LYST: variants seen among roughly 807,000 people sequenced by gnomAD.
LYST encodes lysosomal-trafficking regulator.
LYST carries 192 observed loss-of-function variants against 413.6 expected under a neutral mutation model. The observed-to-expected ratio is 0.46, with a 90% CI of 0.41 to 0.52. LYST has a LOEUF of 0.52. LYST is among the 20% of genes least tolerant of loss of function. LYST has a pLI of 0.00. For synonymous variants in LYST, 1,525 were observed against 1,567.3 expected, an observed-to-expected ratio of 0.97 and a Z score of 0.64; for missense variants, 3,815 against 4,499.9, an observed-to-expected ratio of 0.85 and a Z score of 4.35.
At chr1:235,695,996 G>A (rs947454206) in intron 46 of LYST, among the ~76,000 whole-genome samples, 2 of 152,068 alleles carry the variant, frequency 1.3e-5, no homozygotes, top group African/African-American at 4.8e-5. Flanking sequence ...GGTATTATTA[G>A]TAAATTACTT....
At chr1:235,824,429 C>A (rs1675103124) in intron 3 of LYST, among the ~76,000 whole-genome samples, 1 of 152,182 alleles carries the variant, frequency 6.6e-6, no homozygotes, top group African/African-American at 2.4e-5. Flanking sequence ...AATTTTTATA[C>A]TGGAAGGATC....
intron 3 of LYST, among the ~76,000 whole-genome samples, chr1:235,819,837 G>A (rs896292000): frequency 1.2e-4 from 18 of 152,066 alleles, no homozygotes; most frequent in Admixed American, 9.8e-4. Context: ...TAGTAGAGAT[G>A]GGGTATCACC....
chr1:235,850,040 G>A (rs959914329), intron 1 of LYST, among the ~76,000 whole-genome samples: 1 of 151,942 alleles, frequency 6.6e-6, no homozygotes, highest in Non-Finnish European at 1.5e-5. Flanking sequence ...AAATTCATAT[G>A]GAACCAAAAA....
intron 1 of LYST, chr1:235,853,083 C>T (rs573388118): frequency 7.0e-5 from 12 of 170,510 alleles, no homozygotes; most frequent in Middle Eastern, 5.2e-4. Flanking sequence ...CTCCCAGGCA[C>T]GCCTCCAAGC....
intron 39 of LYST, among the ~76,000 whole-genome samples, chr1:235,722,769 C>T (rs1286596317): frequency 1.3e-5 from 2 of 152,202 alleles, no homozygotes; most frequent in Non-Finnish European, 2.9e-5. Context: ...CAGGCATGAG[C>T]CACTGTGCCC....
chr1:235,780,938 TTATTAATA>T lies in LYST; in HGVS notation c.5133_5140del (p.Tyr1711Ter). On this transcript the variant is annotated stop_gained and frameshift_variant, in exon 16 of 53. Coordinates refer to ENST00000389793, the MANE Select transcript of LYST (RefSeq NM_000081.4). LOFTEE classifies it high-confidence loss of function. ...GATTTGTTCACATCGCAAAATTTCT[TTATTAATA>T]TATTTGGAGTAGTCATTGACTGGCT... The T allele has an allele frequency of 6.3e-7, 1 of 1,594,544 alleles. No homozygotes were observed. The highest frequency in any genetic ancestry group is 8.6e-7 in the Non-Finnish European group (1 of 1,166,358).
intron 50 of LYST, among the ~76,000 whole-genome samples, chr1:235,675,504 TG>T (rs1659314272): frequency 6.6e-6 from 1 of 152,170 alleles, no homozygotes; most frequent in Non-Finnish European, 1.5e-5. Context: ...CAGAAGTAAA[TG>T]TGCCTTCCTG....
intron 12 of LYST, 120 bp downstream of exon 12, chr1:235,791,579 G>A: frequency 1.2e-6 from 1 of 823,200 alleles, no homozygotes; most frequent in Non-Finnish European, 2.1e-6. Context: ...ACTAAGTAAG[G>A]CATTTAAGGT....
At chr1:235,796,217 AT>A (rs1260099816) in intron 10 of LYST, among the ~76,000 whole-genome samples, 1 of 152,122 alleles carries the variant, frequency 6.6e-6, no homozygotes, top group Non-Finnish European at 1.5e-5. Context: ...CCTGTATTAG[AT>A]CTAAGATATG....
intron 29 of LYST, among the ~76,000 whole-genome samples, chr1:235,745,216 CT>C (rs1200560776): frequency 6.6e-6 from 1 of 152,024 alleles, no homozygotes; most frequent in Non-Finnish European, 1.5e-5. Context: ...ATAGTTACCA[CT>C]TTTTTTTATG....
At chr1:235,821,751 G>GT (rs1163176563) in intron 3 of LYST, among the ~76,000 whole-genome samples, 1 of 152,204 alleles carries the variant, frequency 6.6e-6, no homozygotes, top group Non-Finnish European at 1.5e-5. Context: ...TTCTTAGCTT[G>GT]TACATTGTAC....
rs11803559 is a variant in LYST, at chr1:235,702,369, A to G, written c.10374+378T>C. ...CTTTTGATTGTAGATGATAACCAAGACCATGGTATGCATGTGTACACTGGC... is the reference window on the plus strand; with the variant it reads ...CTTTTGATTGTAGATGATAACCAAGGCCATGGTATGCATGTGTACACTGGC... On this transcript the variant is annotated intron_variant, in intron 45 of 52. Coordinates refer to ENST00000389793, the MANE Select transcript of LYST (RefSeq NM_000081.4). Among the ~76,000 whole-genome samples, 459 of 152,298 alleles carry G rather than the reference A, an allele frequency of 3.0e-3. 4 individuals are homozygous for G. Among genetic ancestry groups the G allele is most frequent in the African/African-American group, 0.011 (440 of 41,562 alleles).
intron 28 of LYST, among the ~76,000 whole-genome samples, chr1:235,749,199 C>T (rs1666223957): frequency 6.6e-6 from 1 of 152,096 alleles, no homozygotes; most frequent in Non-Finnish European, 1.5e-5. Context: ...CAGTATTCTG[C>T]AGTTTTTGTA....
chr1:235,800,250 A>G, intron 10 of LYST, 70 bp downstream of exon 10: 1 of 1,060,204 alleles, frequency 9.4e-7, no homozygotes, highest in Non-Finnish European at 1.5e-6. Context: ...ACACCTGGCC[A>G]GAAGCCATTA....
intron 3 of LYST, chr1:235,828,067 T>C: frequency 5.7e-6 from 4 of 697,666 alleles, no homozygotes; most frequent in Non-Finnish European, 7.0e-6. Flanking sequence ...AAAACTACAA[T>C]AAGATACTAC....
chr1:235,805,992 T>C lies in LYST; in HGVS notation c.3144A>G (p.Ile1048Met), dbSNP rs1253733174. 1.2e-6 allele frequency: 2 copies of C among 1,613,860 alleles called. No homozygotes were observed. Among genetic ancestry groups the C allele is most frequent in the Non-Finnish European group, 1.7e-6 (2 of 1,179,830 alleles). The change falls in exon 6 of 53, where the codon ATA (isoleucine) becomes ATG (methionine). Residue 1048 changes from isoleucine (I) to methionine (M), a missense_variant. Coordinates refer to ENST00000389793, the MANE Select transcript of LYST (RefSeq NM_000081.4). ...TTTTTAGACTACCTAGTTCTGATGGTATGGGGTCACTTTTTATAGCCAAAG... is the reference window on the plus strand; with the variant it reads ...TTTTTAGACTACCTAGTTCTGATGGCATGGGGTCACTTTTTATAGCCAAAG... ...LLSLAIKSDP[I>M]PSELGSLKKS...
intron 1 of LYST, among the ~76,000 whole-genome samples, chr1:235,852,802 A>G (rs996962449): frequency 4.6e-5 from 7 of 152,134 alleles, no homozygotes; most frequent in Non-Finnish European, 7.4e-5. Flanking sequence ...CTCCCTCAAA[A>G]TTTTACAGAT....
Position 235,788,823 on chromosome 1 carries a change from T to G in LYST, c.4566A>C (p.Ala1522=), listed in dbSNP as rs142344106. The G allele has an allele frequency of 9.2e-5, 149 of 1,613,816 alleles. 5 individuals are homozygous for G. The South Asian group carries it at 1.6e-3, about 17-fold the overall frequency. ...DGTESDRPEG[A]EYINPGERLI... ...GTCTTTCACCAGGATTTATGTACTC[T>G]GCACCTTCTGGTCTGTCGCTCTCTA... Residue 1522 remains alanine (A), a synonymous_variant, in exon 13 of 53, where the codon GCA becomes GCC. Coordinates refer to ENST00000389793, the MANE Select transcript of LYST (RefSeq NM_000081.4).
At chr1:235,825,427 T>G (rs895026280) in intron 3 of LYST, among the ~76,000 whole-genome samples, 4 of 152,192 alleles carry the variant, frequency 2.6e-5, no homozygotes, top group African/African-American at 9.7e-5. Context: ...CATCATTATT[T>G]ACATACAAAA....
Sources: allele counts gnomAD v4.1 joint callset (sites outside exome capture counted in the v4.1 genomes callset), GRCh38; gene constraint gnomAD v4.1.1; transcripts MANE v1.5; gene names NCBI Gene and HGNC (gene_info 2026-07-23, HGNC 2026-07-21).